LRRC4C: variants seen among roughly 807,000 people sequenced by gnomAD.
LRRC4C encodes leucine rich repeat containing 4C.
LRRC4C carries 5 observed loss-of-function variants against 33.6 expected under a neutral mutation model. That is an observed-to-expected ratio of 0.15 (90% confidence interval 0.08 to 0.31). LRRC4C has a LOEUF of 0.31. Ranked by LOEUF, LRRC4C falls within the 10% of genes least tolerant of loss-of-function variation. The pLI is 1.00. For missense variants in LRRC4C, 560 were observed against 796.7 expected (o/e 0.70, Z 3.58); for synonymous variants, 329 against 302.0 (o/e 1.09, Z -0.93).
rs115464527 is a variant in LRRC4C, at chr11:40,798,286, G to A, written c.-407+135349C>T. 1.0e-3 allele frequency among the ~76,000 whole-genome samples: 158 copies of A among 152,260 alleles called. 1 individual carries two copies. The highest frequency in any genetic ancestry group is 3.5e-3 in the African/African-American group (147 of 41,542). On this transcript the variant is annotated intron_variant, in intron 2 of 6. Coordinates refer to ENST00000528697, the MANE Select transcript of LRRC4C (RefSeq NM_001258419.2). Reference sequence around the variant, plus strand: ...AGAAACCTGTGAGACCATATGCTGTGGGTCAGCCTTTGACCAGTTTTCCCC... The same window carrying A: ...AGAAACCTGTGAGACCATATGCTGTAGGTCAGCCTTTGACCAGTTTTCCCC...
chr11:41,361,093 C>T (rs1952339690), intron 1 of LRRC4C, among the ~76,000 whole-genome samples: 1 of 152,128 alleles, frequency 6.6e-6, no homozygotes. Flanking sequence ...AAATACAGCT[C>T]TGGCTTTAAA....
At chr11:41,158,211 A>G (rs1298390452) in intron 1 of LRRC4C, among the ~76,000 whole-genome samples, 2 of 152,148 alleles carry the variant, frequency 1.3e-5, no homozygotes, top group African/African-American at 4.8e-5. Flanking sequence ...GCTAAAGTTG[A>G]CACAGGGAGT....
At position 41,007,799 on chromosome 11, in the gene LRRC4C, A is replaced by G. The variant is rs368466195; in HGVS notation, c.-495-74076T>C. ...TACTCTGAAATTTAGACATCTAGTC[A>G]TAATCTCTTCCTGAACTCAAGGTTC... On this transcript the variant is annotated intron_variant, in intron 1 of 6. Coordinates refer to ENST00000528697, the MANE Select transcript of LRRC4C (RefSeq NM_001258419.2). 4.6e-5 allele frequency among the ~76,000 whole-genome samples: 7 copies of G among 152,292 alleles called. No homozygotes were observed. The East Asian group carries it at 9.6e-4, about 21-fold the overall frequency.
chr11:40,440,447 A>G (rs895153949), intron 3 of LRRC4C, among the ~76,000 whole-genome samples: 4 of 152,122 alleles, frequency 2.6e-5, no homozygotes, highest in African/African-American at 9.7e-5. Flanking sequence ...ATTCAACCTC[A>G]GCCTTGGTAC....
chr11:40,126,190 T>C (rs768612209), intron 6 of LRRC4C, among the ~76,000 whole-genome samples: 2 of 151,518 alleles, frequency 1.3e-5, no homozygotes, highest in Non-Finnish European at 2.9e-5. Flanking sequence ...CACCTGACTC[T>C]GCATTTTCAT....
At position 40,452,486 on chromosome 11, in the gene LRRC4C, A is replaced by G. The variant is rs1271275718; in HGVS notation, c.-269-132765T>C. On this transcript the variant is annotated intron_variant, in intron 3 of 6. Coordinates refer to ENST00000528697, the MANE Select transcript of LRRC4C (RefSeq NM_001258419.2). ...CAAATCAAAACCACAATGAGATACC[A>G]TCTCACACCAGTTAGAATGGTGATC... Among the ~76,000 whole-genome samples, 5 of 152,348 alleles carry G rather than the reference A, an allele frequency of 3.3e-5. No individual in the cohort carries two copies. In the East Asian group the frequency reaches 9.7e-4, roughly 30 times the overall value.
intron 1 of LRRC4C, among the ~76,000 whole-genome samples, chr11:41,021,705 C>T (rs917507854): frequency 2.6e-5 from 4 of 152,026 alleles, no homozygotes; most frequent in African/African-American, 9.7e-5. Flanking sequence ...CCAAGGTCAA[C>T]CCTTTAAAAG....
chr11:40,263,530 T>TG (rs112513480), intron 4 of LRRC4C, among the ~76,000 whole-genome samples: 9,200 of 152,046 alleles, frequency 0.061, 920 homozygotes, highest in African/African-American at 0.21. Flanking sequence ...CTTACAGTTT[T>TG]GGGGGCGGGG....
At chr11:40,463,871 TC>T (rs1185048304) in intron 3 of LRRC4C, among the ~76,000 whole-genome samples, 26 of 152,144 alleles carry the variant, frequency 1.7e-4, no homozygotes, top group South Asian at 6.2e-4. Flanking sequence ...TCTATAGCAG[TC>T]TATAGAAAAT....
At chr11:40,923,418 G>A (rs748186011) in intron 2 of LRRC4C, among the ~76,000 whole-genome samples, 1 of 152,276 alleles carries the variant, frequency 6.6e-6, no homozygotes, top group Middle Eastern at 3.4e-3. Context: ...ATGTGGCAGT[G>A]TATATTGCTT....
chr11:40,516,223 C>A (rs80113968), intron 3 of LRRC4C, among the ~76,000 whole-genome samples: 9,845 of 151,868 alleles, frequency 0.065, 841 homozygotes, highest in African/African-American at 0.2. Context: ...TTATGTAATC[C>A]TATAATCTTA....
At chr11:40,783,268 C>A (rs1242315850) in intron 2 of LRRC4C, among the ~76,000 whole-genome samples, 1 of 147,796 alleles carries the variant, frequency 6.8e-6, no homozygotes, top group Non-Finnish European at 1.5e-5. Context: ...TAAGTGAGCA[C>A]TGTTTTATTT....
intron 2 of LRRC4C, among the ~76,000 whole-genome samples, chr11:40,867,561 A>G (rs1178827211): frequency 1.3e-5 from 2 of 152,228 alleles, no homozygotes; most frequent in African/African-American, 2.4e-5. Context: ...ATTGGGGGGA[A>G]AAAAGAAGCA....
intron 3 of LRRC4C, among the ~76,000 whole-genome samples, chr11:40,590,592 TC>T (rs892211300): frequency 6.6e-6 from 1 of 152,094 alleles, no homozygotes; most frequent in Non-Finnish European, 1.5e-5. Flanking sequence ...TTCTGTTTTT[TC>T]CCCATCTTTG....
chr11:40,527,279 TG>T (rs1956091680), intron 3 of LRRC4C, among the ~76,000 whole-genome samples: 1 of 152,126 alleles, frequency 6.6e-6, no homozygotes, highest in Non-Finnish European at 1.5e-5. Context: ...ATACTTTACG[TG>T]CTTATTAAAA....
At chr11:40,936,433 G>A (rs1957903960) in intron 1 of LRRC4C, among the ~76,000 whole-genome samples, 1 of 149,796 alleles carries the variant, frequency 6.7e-6, no homozygotes, top group Admixed American at 6.7e-5. Context: ...CGCCTCCCAG[G>A]TTTACGCCAT....
At chr11:40,949,482 CA>C (rs1958588420) in intron 1 of LRRC4C, among the ~76,000 whole-genome samples, 1 of 151,938 alleles carries the variant, frequency 6.6e-6, no homozygotes, top group Admixed American at 6.6e-5. Flanking sequence ...TCAGGTTACC[CA>C]CAAAGGGAAG....
intron 3 of LRRC4C, among the ~76,000 whole-genome samples, chr11:40,607,986 C>A (rs370084137): frequency 2.8e-4 from 42 of 152,072 alleles, no homozygotes; most frequent in African/African-American, 1.0e-3. Flanking sequence ...GCATGCCCTG[C>A]GAGGGGGATA....
Position 41,385,252 on chromosome 11 carries a change from C to T in LRRC4C, c.-496+74179G>A, listed in dbSNP as rs191105894. 3.7e-3 allele frequency among the ~76,000 whole-genome samples: 553 copies of T among 151,454 alleles called. 14 individuals carry two copies. Among genetic ancestry groups the T allele is most frequent in the Admixed American group, 0.034 (508 of 15,162 alleles). ...TGGCCAATTTAAAGAATATGATAAACTTGCTTTAATGAATTAATATAAAAT... is the reference window on the plus strand; with the variant it reads ...TGGCCAATTTAAAGAATATGATAAATTTGCTTTAATGAATTAATATAAAAT... On this transcript the variant is annotated intron_variant, in intron 1 of 6. Transcript: ENST00000528697.
Sources: allele counts gnomAD v4.1 joint callset (sites outside exome capture counted in the v4.1 genomes callset), GRCh38; gene constraint gnomAD v4.1.1; transcripts MANE v1.5; gene names NCBI Gene and HGNC (gene_info 2026-07-23, HGNC 2026-07-21).